SIRT2: variants seen among roughly 807,000 people sequenced by gnomAD.
SIRT2 encodes NAD-dependent protein deacetylase sirtuin-2.
A neutral mutation model predicts 57.4 loss-of-function variants in SIRT2; 40 were observed. The ratio of observed to expected loss-of-function variants is 0.70; its 90% CI spans 0.54 to 0.91. SIRT2 has a LOEUF of 0.91. SIRT2 is among the 40% of genes least tolerant of loss of function. SIRT2 has a pLI of 0.00. For synonymous variants in SIRT2, 161 were observed against 195.7 expected, an observed-to-expected ratio of 0.82 and a Z score of 1.48; for missense variants, 439 against 510.4, an observed-to-expected ratio of 0.86 and a Z score of 1.35.
At chr19:38,895,756 G>A (rs1568407018) in intron 2 of SIRT2, among the ~76,000 whole-genome samples, 1 of 152,190 alleles carries the variant, frequency 6.6e-6, no homozygotes, top group Admixed American at 6.6e-5. Flanking sequence ...GGGCAACACA[G>A]TGAGACTCTG....
chr19:38,879,143 G>T lies in SIRT2; in HGVS notation c.*12C>A. On this transcript the variant is annotated 3_prime_UTR_variant, in exon 16 of 16. Coordinates refer to ENST00000249396, the MANE Select transcript of SIRT2 (RefSeq NM_012237.4). ...CTGAGGAGCTCGGCATCCCGCCTGGGAGATGCAGCTGTCACTGGGGTTTCT... is the reference window on the plus strand; with the variant it reads ...CTGAGGAGCTCGGCATCCCGCCTGGTAGATGCAGCTGTCACTGGGGTTTCT... The T allele has an allele frequency of 6.4e-7, 1 of 1,559,004 alleles. No individual in the cohort carries two copies. Among genetic ancestry groups the T allele is most frequent in the Non-Finnish European group, 8.6e-7 (1 of 1,159,252 alleles).
chr19:38,879,366 G>A (rs1973051479), intron 15 of SIRT2, 56 bp from the exon 16 acceptor site: 5 of 1,604,788 alleles, frequency 3.1e-6, no homozygotes, highest in Non-Finnish European at 4.3e-6. Flanking sequence ...GGGGTCAGAG[G>A]ACCCATGGGG....
In SIRT2 at chr19:38,893,495, G is replaced by T. The variant is rs1201810649; in HGVS notation, c.145C>A (p.Leu49Ile). 1.9e-5 allele frequency: 30 copies of T among 1,613,750 alleles called. No homozygotes were observed. Among genetic ancestry groups the T allele is most frequent in the Non-Finnish European group, 2.5e-5 (29 of 1,179,794 alleles). Residue 49 changes from leucine (L) to isoleucine (I), a missense_variant, in exon 4 of 16, where the codon CTC becomes ATC. Physicochemically the swap from Leu to Ile is conservative, Grantham distance 5. Coordinates refer to ENST00000249396, the MANE Select transcript of SIRT2 (RefSeq NM_012237.4). ...CGCTCCTTCTGGCTGCCCAGGCTGAGCGTCTGGGAGAATAAGTTCCGCAGG... is the reference window on the plus strand; with the variant it reads ...CGCTCCTTCTGGCTGCCCAGGCTGATCGTCTGGGAGAATAAGTTCCGCAGG... The part of the protein sequence containing the change: ...DFLRNLFSQT[L>I]SLGSQKERLL...
chr19:38,887,815 A>T (rs1242950088), intron 8 of SIRT2, among the ~76,000 whole-genome samples: 1 of 152,168 alleles, frequency 6.6e-6, no homozygotes, highest in Non-Finnish European at 1.5e-5. Context: ...GCTGGAGTGC[A>T]GTGGCACAAT....
chr19:38,879,569 G>A (rs1331861269), intron 14 of SIRT2, 63 bp downstream of exon 14: 32 of 1,554,426 alleles, frequency 2.1e-5, no homozygotes, highest in South Asian at 3.6e-5. Flanking sequence ...ATCTGCCTTC[G>A]TGCCCCCGCT....
At chr19:38,893,612 G>A in intron 3 of SIRT2, 85 bp from the exon 4 acceptor site, 1 of 1,222,846 alleles carries the variant, frequency 8.2e-7, no homozygotes, top group Non-Finnish European at 1.2e-6. Context: ...CCAGCCCTGG[G>A]GTTCCCGGCC....
chr19:38,886,290 C>T (rs970406180), intron 8 of SIRT2, among the ~76,000 whole-genome samples: 1 of 152,178 alleles, frequency 6.6e-6, no homozygotes, highest in African/African-American at 2.4e-5. Context: ...GCCCACTATT[C>T]TAAATCTTGG....
chr19:38,882,093 T>C (rs904926597), intron 9 of SIRT2, among the ~76,000 whole-genome samples: 1 of 152,030 alleles, frequency 6.6e-6, no homozygotes, highest in Admixed American at 6.6e-5. Context: ...CATAGCTTAC[T>C]GCACCACCGA....
At chr19:38,890,609 G>A in intron 4 of SIRT2, 1 of 175,674 alleles carries the variant, frequency 5.7e-6, no homozygotes, top group Non-Finnish European at 1.2e-5. Context: ...AGAATCACTT[G>A]AACCCGGGAG....
At chr19:38,885,826 T>C (rs979283517) in intron 8 of SIRT2, among the ~76,000 whole-genome samples, 2 of 152,046 alleles carry the variant, frequency 1.3e-5, no homozygotes, top group Non-Finnish European at 2.9e-5. Context: ...CCTGACCTCG[T>C]GATCTGCCCA....
At chr19:38,883,522 A>G in intron 9 of SIRT2, 105 bp downstream of exon 9, 1 of 1,448,498 alleles carries the variant, frequency 6.9e-7, no homozygotes, top group Non-Finnish European at 9.4e-7. Flanking sequence ...AACAAAACAA[A>G]AAAACCCCAA....
At chr19:38,881,560 A>AC in intron 9 of SIRT2, 69 bp from the exon 10 acceptor site, 2 of 1,246,592 alleles carry the variant, frequency 1.6e-6, no homozygotes, top group Admixed American at 1.8e-5. Flanking sequence ...GAGGTGCAGC[A>AC]CCCCCACCCC....
chr19:38,898,281 G>A, intron 2 of SIRT2, 98 bp downstream of exon 2: 2 of 857,980 alleles, frequency 2.3e-6, no homozygotes, highest in Non-Finnish European at 3.3e-6. Context: ...TGAGCCGAGG[G>A]CCCTGGGGTG....
At chr19:38,881,751 G>A (rs1376308419) in intron 9 of SIRT2, among the ~76,000 whole-genome samples, 21 of 150,158 alleles carry the variant, frequency 1.4e-4, no homozygotes, top group East Asian at 5.9e-4. Flanking sequence ...GCAGTGGCAC[G>A]ATCATGGCTT....
At chr19:38,892,161 C>G (rs887785839) in intron 4 of SIRT2, among the ~76,000 whole-genome samples, 1 of 152,022 alleles carries the variant, frequency 6.6e-6, no homozygotes, top group East Asian at 1.9e-4. Context: ...TTTGGGAGGC[C>G]GAGGAGGGTG....
Position 38,880,205 on chromosome 19 carries a change from T to C in SIRT2, c.876+480A>G. 5.5e-6 allele frequency: 1 copy of C among 180,202 alleles called. No homozygotes were observed. The highest frequency in any genetic ancestry group is 1.2e-5 in the Non-Finnish European group (1 of 85,244). The allele number at this position is 180,202 out of a possible 1,614,324, so 11.2% of individuals were successfully genotyped here. A position where few individuals can be genotyped will look rare whatever the true frequency, so the allele number is the denominator to read the frequency against. On this transcript the variant is annotated intron_variant, in intron 13 of 15. Transcript: ENST00000249396. This position sits in a 1 kb window ranked among gnomAD's most constrained non-coding sequence, Gnocchi z 4.1. ...AATAGGGGTGATCACAAAACCGCGATGGGGTTGTGGCGCCAGTGAGTTCAC... is the reference window on the plus strand; with the variant it reads ...AATAGGGGTGATCACAAAACCGCGACGGGGTTGTGGCGCCAGTGAGTTCAC...
In SIRT2 at chr19:38,893,471, G is replaced by A. The variant is rs774515802; in HGVS notation, c.169C>T (p.Arg57Cys). 5.6e-6 allele frequency: 9 copies of A among 1,613,992 alleles called. No individual in the cohort carries two copies. The highest frequency in any genetic ancestry group is 1.3e-5 in the African/African-American group (1 of 75,048). ...TCCAAGGTCAGCTCGTCCAGCAGAC[G>A]CTCCTTCTGGCTGCCCAGGCTGAGC... is the stretch of plus-strand genomic sequence containing the variant. ...QTLSLGSQKERLLDELTLEGV... is the reference protein window; with the variant it reads ...QTLSLGSQKECLLDELTLEGV... The change falls in exon 4 of 16, where the codon CGT becomes TGT. Residue 57 changes from arginine to cysteine, a missense_variant. Coordinates refer to ENST00000249396, the MANE Select transcript of SIRT2 (RefSeq NM_012237.4).
Position 38,891,464 on chromosome 19 carries a change from G to A in SIRT2, c.227-1320C>T, listed in dbSNP as rs148389329. Among the ~76,000 whole-genome samples the A allele has an allele frequency of 2.1e-4, 32 of 152,148 alleles. No individual in the cohort carries two copies. The East Asian group carries it at 5.6e-3, about 27-fold the overall frequency. The stretch of plus-strand genomic sequence containing the variant: ...CTCGGGAGGCTGAAGCAGGAGAATC[G>A]CTTGAACCCGGGAGGCAGAGGTTGC... On this transcript the variant is annotated intron_variant, in intron 4 of 15. Coordinates refer to ENST00000249396, the MANE Select transcript of SIRT2 (RefSeq NM_012237.4).
At position 38,883,614 on chromosome 19, in the gene SIRT2, C is replaced by T; in HGVS notation, c.631+13G>A. On this transcript the variant is annotated intron_variant, in intron 9 of 15. Transcript: ENST00000249396. Reference sequence around the variant, plus strand: ...GAGAGGAGGCCTGCCCTCAGGATGCCCTCCAGCCTCACCTTTCATCCAGCT... The same window carrying T: ...GAGAGGAGGCCTGCCCTCAGGATGCTCTCCAGCCTCACCTTTCATCCAGCT... 1 of 1,612,054 alleles carries T rather than the reference C, an allele frequency of 6.2e-7. No homozygotes were observed. The highest frequency in any genetic ancestry group is 2.2e-5 in the East Asian group (1 of 44,818).
Sources: allele counts gnomAD v4.1 joint callset (sites outside exome capture counted in the v4.1 genomes callset), GRCh38; gene constraint gnomAD v4.1.1; non-coding constraint Gnocchi (gnomAD v3.1); transcripts MANE v1.5; gene names NCBI Gene and HGNC (gene_info 2026-07-23, HGNC 2026-07-21).